EFCC1: variants seen among roughly 807,000 people sequenced by gnomAD.
EFCC1 encodes EF-hand and coiled-coil domain containing 1.
In EFCC1, 50 loss-of-function variants were observed where a neutral mutation model predicts 52.1. That is an observed-to-expected ratio of 0.96 (90% confidence interval 0.76 to 1.21). The LOEUF is 1.21. EFCC1 is among the 50% of genes most tolerant of loss of function. The pLI is 0.00. For missense variants in EFCC1, 837 were observed against 867.3 expected (o/e 0.97, Z 0.44); for synonymous variants, 399 against 396.5 (o/e 1.01, Z -0.08).
chr3:129,003,400 G>A lies in EFCC1; in HGVS notation c.697-394G>A, dbSNP rs1289736719. 5 of 559,242 alleles carry A rather than the reference G, an allele frequency of 8.9e-6. No individual in the cohort carries two copies. In the African/African-American group the frequency reaches 1.0e-4, roughly 12 times the overall value. The allele number at this position is 559,242 out of a possible 1,614,324, so 34.6% of individuals were successfully genotyped here. On this transcript the variant is annotated intron_variant, in intron 1 of 7. Transcript: ENST00000683648. ...GCCTCTAGTGAGCAGGCACGGGGAGGGCTGGAAATGCCACTGGGGGGAGTC... is the reference window on the plus strand; with the variant it reads ...GCCTCTAGTGAGCAGGCACGGGGAGAGCTGGAAATGCCACTGGGGGGAGTC...
intron 2 of EFCC1, among the ~76,000 whole-genome samples, chr3:129,007,661 G>A (rs1945133437): frequency 6.6e-6 from 1 of 152,224 alleles, no homozygotes; most frequent in South Asian, 2.1e-4. Flanking sequence ...GGGGTTGGGA[G>A]TGGTTTTACT....
At position 129,003,514 on chromosome 3, in the gene EFCC1, C is replaced by A. The variant is rs76429095; in HGVS notation, c.697-280C>A. 5.3e-3 allele frequency among the ~76,000 whole-genome samples: 801 copies of A among 151,628 alleles called. 9 individuals are homozygous for A. The highest frequency in any genetic ancestry group is 0.014 in the Middle Eastern group (4 of 294). Reference sequence around the variant, plus strand: ...CGCGAGGTTGGTACTATAGAGGGAACAGAATACAGGCGTCGTGTCTCAGTT... The same window carrying A: ...CGCGAGGTTGGTACTATAGAGGGAAAAGAATACAGGCGTCGTGTCTCAGTT... On this transcript the variant is annotated intron_variant, in intron 1 of 7. Transcript: ENST00000683648.
At chr3:129,030,656 G>C in intron 2 of EFCC1, 47 bp from the exon 3 acceptor site, 1 of 1,537,758 alleles carries the variant, frequency 6.5e-7, no homozygotes, top group East Asian at 2.5e-5. Flanking sequence ...GAATGGAAGA[G>C]TCCTGTACTC....
In EFCC1 at chr3:129,001,671, G is replaced by T. The variant is rs751195044; in HGVS notation, c.43G>T (p.Ala15Ser). Reference protein sequence around the residue: ...STGAEAGMEGAGGDPYRRPAR... With the variant: ...STGAEAGMEGSGGDPYRRPAR... Reference sequence around the variant, plus strand: ...GGGCGCGGAGGCCGGCATGGAGGGCGCGGGAGGTGACCCGTACCGGCGACC... The same window carrying T: ...GGGCGCGGAGGCCGGCATGGAGGGCTCGGGAGGTGACCCGTACCGGCGACC... Residue 15 changes from alanine (A) to serine (S), a missense_variant, in exon 1 of 8, where the codon GCG (alanine) becomes TCG (serine). Physicochemically the swap from Ala to Ser is moderately conservative, Grantham distance 99. Coordinates refer to ENST00000683648, the MANE Select transcript of EFCC1 (RefSeq NM_001377500.1). The T allele has an allele frequency of 9.0e-5, 130 of 1,445,244 alleles. No individual in the cohort carries two copies. Among genetic ancestry groups the T allele is most frequent in the Non-Finnish European group, 1.1e-4 (125 of 1,101,274 alleles). 89.5% of individuals were successfully genotyped at this position (1,445,244 alleles called of 1,614,324 possible).
At chr3:129,025,057 G>A (rs1043114547) in intron 2 of EFCC1, among the ~76,000 whole-genome samples, 1 of 152,136 alleles carries the variant, frequency 6.6e-6, no homozygotes, top group African/African-American at 2.4e-5. Context: ...TGGCATGAGA[G>A]GCTGTGAGAA....
intron 2 of EFCC1, among the ~76,000 whole-genome samples, chr3:129,013,824 CAG>C (rs1945444035): frequency 6.6e-6 from 1 of 152,204 alleles, no homozygotes; most frequent in Non-Finnish European, 1.5e-5. Context: ...GAACAGTAGT[CAG>C]GGGGCTGGAT....
At chr3:129,009,961 C>T (rs115629810) in intron 2 of EFCC1, among the ~76,000 whole-genome samples, 2,271 of 152,342 alleles carry the variant, frequency 0.015, 28 homozygotes, top group Middle Eastern at 0.051. Flanking sequence ...AGGTTCTGTC[C>T]GTAGCTGGGA....
chr3:129,002,682 C>G (rs1299605862), intron 1 of EFCC1: 1 of 281,520 alleles, frequency 3.6e-6, no homozygotes, highest in East Asian at 6.5e-5. Context: ...ATCTTTCTCT[C>G]TCCTTCCTGC....
chr3:129,035,022 T>C (rs543658454), intron 5 of EFCC1, among the ~76,000 whole-genome samples: 6 of 152,086 alleles, frequency 3.9e-5, no homozygotes, highest in Admixed American at 2.6e-4. Context: ...TCTCATTCTC[T>C]CTACTCCATA....
At chr3:129,009,231 A>G (rs933575663) in intron 2 of EFCC1, among the ~76,000 whole-genome samples, 11 of 152,152 alleles carry the variant, frequency 7.2e-5, no homozygotes, top group Non-Finnish European at 1.2e-4. Context: ...GAATGCCAGA[A>G]AGCCTAATGC....
chr3:129,002,515 C>A, intron 1 of EFCC1, 191 bp downstream of exon 1: 1 of 1,156,974 alleles, frequency 8.6e-7, no homozygotes, highest in Non-Finnish European at 1.1e-6. Context: ...CAGTCCCCAA[C>A]CCTATTCTTA....
chr3:129,039,789 C>A lies in EFCC1; in HGVS notation c.1741C>A (p.Pro581Thr). The change falls in exon 8 of 8, where the codon CCC (proline) becomes ACC (threonine). Residue 581 changes from proline (P) to threonine (T), a missense_variant. Pro to Thr is a conservative substitution (Grantham distance 38). Coordinates refer to ENST00000683648, the MANE Select transcript of EFCC1 (RefSeq NM_001377500.1). ...LAACQLLRRQ[P>T]SAPASAAAAL... ...TGCCTGCCAGCTGTTGCGGAGACAG[C>A]CCTCGGCACCAGCCTCTGCAGCAGC... is the stretch of plus-strand genomic sequence containing the variant. The A allele has an allele frequency of 6.2e-7, 1 of 1,612,346 alleles. No individual in the cohort carries two copies. Among genetic ancestry groups the A allele is most frequent in the African/African-American group, 1.3e-5 (1 of 74,988 alleles).
chr3:129,034,788 C>T (rs567478008), intron 5 of EFCC1, among the ~76,000 whole-genome samples: 1 of 152,292 alleles, frequency 6.6e-6, no homozygotes, highest in South Asian at 2.1e-4. Flanking sequence ...ATTCCTAGTA[C>T]ATGAAATCTC....
chr3:129,034,031 C>T (rs1946322930), intron 4 of EFCC1, 133 bp from the exon 5 acceptor site: 2 of 1,063,552 alleles, frequency 1.9e-6, no homozygotes, highest in East Asian at 4.9e-5. Flanking sequence ...TGGGAGGGTA[C>T]TGGGCAGGCA....
At chr3:129,025,787 G>A (rs1003437707) in intron 2 of EFCC1, among the ~76,000 whole-genome samples, 27 of 152,336 alleles carry the variant, frequency 1.8e-4, no homozygotes, top group Admixed American at 1.8e-3. Context: ...CCATTTCTCT[G>A]TAGCCACATT....
intron 2 of EFCC1, among the ~76,000 whole-genome samples, chr3:129,024,762 C>T (rs1452875078): frequency 1.3e-5 from 2 of 151,602 alleles, no homozygotes; most frequent in African/African-American, 4.9e-5. Flanking sequence ...GCTCTCATGG[C>T]CTGATCACCT....
intron 2 of EFCC1, among the ~76,000 whole-genome samples, chr3:129,022,372 C>A (rs1459747115): frequency 6.6e-6 from 1 of 152,232 alleles, no homozygotes; most frequent in Non-Finnish European, 1.5e-5. Flanking sequence ...AGGTTTGCGG[C>A]TCCTCAGATC....
In EFCC1 at chr3:129,003,805, G is replaced by A. The variant is rs1203005891; in HGVS notation, c.708G>A (p.Trp236Ter). 6.8e-7 allele frequency: 1 copy of A among 1,460,714 alleles called. No homozygotes were observed. The highest frequency in any genetic ancestry group is 9.0e-7 in the Non-Finnish European group (1 of 1,111,438). 90.5% of individuals were successfully genotyped at this position (1,460,714 alleles called of 1,614,324 possible). A position where few individuals can be genotyped will look rare whatever the true frequency, so the allele number is the denominator to read the frequency against. The change falls in exon 2 of 8, where the codon TGG becomes TGA. Residue 236 changes from tryptophan (W) to a stop codon, truncating the protein, a stop_gained. Coordinates refer to ENST00000683648, the MANE Select transcript of EFCC1 (RefSeq NM_001377500.1). LOFTEE classifies it high-confidence loss of function. Reference protein sequence around the residue: ...ARCLALQVGLWKSQASTHEMG... With the variant: ...ARCLALQVGL The stretch of plus-strand genomic sequence containing the variant: ...CCCTGTCCCCGCAGGTCGGACTCTG[G>A]AAGAGCCAGGCGAGCACCCACGAGA...
chr3:129,003,254 G>T, intron 1 of EFCC1: 10 of 985,430 alleles, frequency 1.0e-5, no homozygotes, highest in Non-Finnish European at 1.2e-5. Flanking sequence ...GCCATGGGAT[G>T]CGCCTGAACG....
Sources: gnomAD v4.1 joint callset for allele counts (sites outside exome capture counted in the v4.1 genomes callset) on GRCh38, gnomAD v4.1.1 for gene constraint, MANE v1.5 for transcripts, NCBI Gene and HGNC (gene_info 2026-07-23, HGNC 2026-07-21) for gene names.